ZMAT4: variants seen among roughly 807,000 people sequenced by gnomAD.
The protein encoded by ZMAT4 is zinc finger matrin-type protein 4.
Under a neutral mutation model 28.7 loss-of-function variants are expected in ZMAT4, and 17 were observed. That is an observed-to-expected ratio of 0.59 (90% confidence interval 0.41 to 0.89). ZMAT4 has a LOEUF of 0.89. Ranked by LOEUF, ZMAT4 falls within the 40% of genes least tolerant of loss-of-function variation. The pLI is 0.00. For synonymous variants in ZMAT4, 117 were observed against 109.2 expected (o/e 1.07, Z -0.44); for missense variants, 240 against 283.8 (o/e 0.85, Z 1.11).
chr8:40,541,927 C>T (rs1300037928), intron 6 of ZMAT4, among the ~76,000 whole-genome samples: 1 of 152,202 alleles, frequency 6.6e-6, no homozygotes, highest in Non-Finnish European at 1.5e-5. Flanking sequence ...GCAATTACTA[C>T]TATGTTCAGG....
At position 40,786,875 on chromosome 8, in the gene ZMAT4, A is replaced by G. The variant is rs1378003917; in HGVS notation, c.103-19145T>C. The G allele has an allele frequency of 8.8e-6, 4 of 452,800 alleles. No homozygotes were observed. The Admixed American group carries it at 1.1e-4, about 12-fold the overall frequency. The allele number at this position is 452,800 out of a possible 1,614,324, so 28.0% of individuals were successfully genotyped here. A position where few individuals can be genotyped will look rare whatever the true frequency, so the allele number is the denominator to read the frequency against. On this transcript the variant is annotated intron_variant, in intron 2 of 6. Transcript: ENST00000297737. ...TGTTCTAGGCCCACAAAGAGTAACT[A>G]GAATGTAATTTTGGATTCAGTTAAC...
intron 1 of ZMAT4, among the ~76,000 whole-genome samples, chr8:40,836,510 C>A (rs924027468): frequency 5.3e-5 from 8 of 152,178 alleles, no homozygotes; most frequent in Non-Finnish European, 1.0e-4. Flanking sequence ...CAAAAGCACA[C>A]CTACAGGAGA....
intron 5 of ZMAT4, among the ~76,000 whole-genome samples, chr8:40,660,005 T>G (rs1335100187): frequency 3.3e-5 from 5 of 152,338 alleles, no homozygotes; most frequent in African/African-American, 1.2e-4. Flanking sequence ...GATAACTCAC[T>G]GCAAATCATT....
chr8:40,875,228 C>A (rs545052412), intron 1 of ZMAT4, among the ~76,000 whole-genome samples: 5 of 152,302 alleles, frequency 3.3e-5, no homozygotes, highest in African/African-American at 9.6e-5. Flanking sequence ...TCCCTGCCCA[C>A]GTGTCCCCTC....
At chr8:40,567,850 A>G (rs1324502886) in intron 6 of ZMAT4, among the ~76,000 whole-genome samples, 1 of 152,124 alleles carries the variant, frequency 6.6e-6, no homozygotes, top group Non-Finnish European at 1.5e-5. Flanking sequence ...AATCCTTCCA[A>G]CTCTGGAAAA....
At chr8:40,724,887 G>A (rs547816574) in intron 3 of ZMAT4, among the ~76,000 whole-genome samples, 2 of 152,122 alleles carry the variant, frequency 1.3e-5, no homozygotes, top group African/African-American at 4.8e-5. Context: ...GAAGGTTCCA[G>A]ACCTAGCTGG....
At chr8:40,635,299 G>A (rs533222945) in intron 5 of ZMAT4, among the ~76,000 whole-genome samples, 3 of 152,130 alleles carry the variant, frequency 2.0e-5, no homozygotes, top group Non-Finnish European at 4.4e-5. Flanking sequence ...GAGTGGGTAG[G>A]ATAACTAGGG....
At chr8:40,665,284 A>G (rs1377957940) in intron 5 of ZMAT4, among the ~76,000 whole-genome samples, 1 of 152,108 alleles carries the variant, frequency 6.6e-6, no homozygotes, top group Non-Finnish European at 1.5e-5. Flanking sequence ...GGTTCTGCTT[A>G]TCTTGTGGCA....
chr8:40,604,647 T>C (rs1364743998), intron 5 of ZMAT4, among the ~76,000 whole-genome samples: 1 of 152,226 alleles, frequency 6.6e-6, no homozygotes, highest in Non-Finnish European at 1.5e-5. Flanking sequence ...GATTTTTGCA[T>C]CTATTTTCAA....
At chr8:40,643,654 T>G (rs761150023) in intron 5 of ZMAT4, among the ~76,000 whole-genome samples, 2 of 151,772 alleles carry the variant, frequency 1.3e-5, no homozygotes, top group Non-Finnish European at 2.9e-5. Flanking sequence ...CAGAGCCCGG[T>G]GGAGAGAGGA....
intron 1 of ZMAT4, among the ~76,000 whole-genome samples, chr8:40,829,437 C>T (rs72641568): frequency 0.13 from 19,489 of 152,132 alleles, 1,637 homozygotes; most frequent in Non-Finnish European, 0.18. Context: ...ACGTGCTGTC[C>T]GGGGGTCTGA....
intron 6 of ZMAT4, among the ~76,000 whole-genome samples, chr8:40,543,317 G>A (rs898823088): frequency 1.8e-4 from 27 of 152,268 alleles, no homozygotes; most frequent in Middle Eastern, 3.4e-3. Flanking sequence ...GGTCTGGTGT[G>A]GCAACCCCCA....
intron 1 of ZMAT4, among the ~76,000 whole-genome samples, chr8:40,889,304 C>T (rs559689288): frequency 1.8e-4 from 27 of 152,242 alleles, no homozygotes; most frequent in Non-Finnish European, 3.7e-4. Flanking sequence ...CCGCATTTCA[C>T]GTGAGCGTTT....
chr8:40,614,429 T>C (rs1241267248), intron 5 of ZMAT4, among the ~76,000 whole-genome samples: 2 of 152,206 alleles, frequency 1.3e-5, no homozygotes, highest in African/African-American at 2.4e-5. Flanking sequence ...GTTCTGTAGA[T>C]GTCTATTAGG....
chr8:40,823,933 T>C (rs1167825805), intron 2 of ZMAT4, among the ~76,000 whole-genome samples: 2 of 152,228 alleles, frequency 1.3e-5, no homozygotes, highest in African/African-American at 2.4e-5. Context: ...GAATTAATGA[T>C]GAATAAGCAT....
rs1302550218 is a variant in ZMAT4, at chr8:40,558,400, AAGAG to A, written c.674+22761_674+22764del. Among the ~76,000 whole-genome samples the A allele has an allele frequency of 6.4e-4, 98 of 152,192 alleles. 1 individual carries two copies. The highest frequency in any genetic ancestry group is 5.9e-5 in the Non-Finnish European group (4 of 68,004). On this transcript the variant is annotated intron_variant, in intron 6 of 6. Transcript: ENST00000297737. Reference sequence around the variant, plus strand: ...GGAAGCTGTCGTGGGCAGCCCATCAAAGAGAGAGACTGGAGGCTTGGACAAGGGA... The same window carrying A: ...GGAAGCTGTCGTGGGCAGCCCATCAAAGAGACTGGAGGCTTGGACAAGGGA...
chr8:40,701,742 T>C (rs1009306337), intron 3 of ZMAT4, among the ~76,000 whole-genome samples: 2 of 151,942 alleles, frequency 1.3e-5, no homozygotes, highest in African/African-American at 4.8e-5. Context: ...AGTCTCGAAC[T>C]CCTGACCTGA....
At chr8:40,659,312 G>A (rs1808081301) in intron 5 of ZMAT4, among the ~76,000 whole-genome samples, 1 of 152,160 alleles carries the variant, frequency 6.6e-6, no homozygotes, top group African/African-American at 2.4e-5. Context: ...CCCCTTGAGG[G>A]TAGAGAGCAA....
chr8:40,545,762 C>T (rs117329577), intron 6 of ZMAT4, among the ~76,000 whole-genome samples: 4,501 of 151,960 alleles, frequency 0.03, 89 homozygotes, highest in Middle Eastern at 0.068. Flanking sequence ...TCCAGAATTG[C>T]GAGAGAATCC....
Sources: gnomAD v4.1 joint callset for allele counts (sites outside exome capture counted in the v4.1 genomes callset) on GRCh38, gnomAD v4.1.1 for gene constraint, MANE v1.5 for transcripts, NCBI Gene and HGNC (gene_info 2026-07-23, HGNC 2026-07-21) for gene names.